The following CHD4 variants were observed in gnomAD, a reference collection of about 807,000 sequenced individuals.
CHD4 encodes ATP-dependent chromatin remodeler CHD4.
CHD4 carries 35 observed loss-of-function variants against 235.5 expected under a neutral mutation model. The observed-to-expected ratio is 0.15, with a 90% CI of 0.11 to 0.20. CHD4 has a LOEUF of 0.20. Ranked by LOEUF, CHD4 falls within the 10% of genes least tolerant of loss-of-function variation. The pLI is 1.00. For missense variants in CHD4, 1,329 were observed against 2,432.3 expected (o/e 0.55, Z 9.54); for synonymous variants, 900 against 850.2 (o/e 1.06, Z -1.02).
intron 3 of CHD4, 49 bp downstream of exon 3, chr12:6,602,327 C>T: frequency 6.2e-7 from 1 of 1,610,104 alleles, no homozygotes; most frequent in Non-Finnish European, 8.5e-7. Flanking sequence ...CTTCTCAGAG[C>T]TCCTCCCTTC....
chr12:6,580,778 G>A (rs1258305949), intron 33 of CHD4: 1 of 342,610 alleles, frequency 2.9e-6, no homozygotes, highest in Non-Finnish European at 5.2e-6. Flanking sequence ...GGAGGCAAAA[G>A]CAGGTGGATC....
At chr12:6,591,624 G>A in intron 21 of CHD4, 41 bp from the exon 22 acceptor site, 1 of 1,613,438 alleles carries the variant, frequency 6.2e-7, no homozygotes, top group Non-Finnish European at 8.5e-7. Context: ...GAGTCAGATG[G>A]TAATCCCTTT....
At position 6,587,722 on chromosome 12, in the gene CHD4, G is replaced by A. The variant is rs1333982455; in HGVS notation, c.3693C>T (p.Ala1231=). ...FGTEELFKDE[A]TDGGGDNKEG... ...TCCTGACTACCTCACCTCCATCAGT[G>A]GCTTCATCCTTGAATAGTTCCTCAG... The change falls in exon 24 of 40, where the codon GCC becomes GCT. Residue 1231 remains alanine (A), a synonymous_variant. Coordinates refer to ENST00000544040, the MANE Select transcript of CHD4 (RefSeq NM_001273.5). 1 of 1,614,014 alleles carries A rather than the reference G, an allele frequency of 6.2e-7. No homozygotes were observed. The highest frequency in any genetic ancestry group is 8.5e-7 in the Non-Finnish European group (1 of 1,179,938).
rs11064256 is a variant in CHD4 at position 6,571,372 on chromosome 12, C to T, written c.5558-340G>A. On this transcript the variant is annotated intron_variant, in intron 38 of 39. Coordinates refer to ENST00000544040, the MANE Select transcript of CHD4 (RefSeq NM_001273.5). ...GCATTCTTTTCCTTATTTCACCCTCCGCCTCCTCATAACCTTTTACTTTAA... is the reference window on the plus strand; with the variant it reads ...GCATTCTTTTCCTTATTTCACCCTCTGCCTCCTCATAACCTTTTACTTTAA... 9.6e-3 allele frequency: 2,423 copies of T among 252,080 alleles called. 48 individuals are homozygous for T. The highest frequency in any genetic ancestry group is 0.04 in the African/African-American group (1,792 of 44,678). 15.6% of individuals were successfully genotyped at this position (252,080 alleles called of 1,614,324 possible). A position where few individuals can be genotyped will look rare whatever the true frequency, so the allele number is the denominator to read the frequency against.
Position 6,599,820 on chromosome 12 carries a change from G to A in CHD4, c.1435C>T (p.Pro479Ser). 1 of 1,614,150 alleles carries A rather than the reference G, an allele frequency of 6.2e-7. No individual in the cohort carries two copies. The highest frequency in any genetic ancestry group is 1.1e-5 in the South Asian group (1 of 91,078). ...SSYHIHCLNP[P>S]LPEIPNGEWL... Reference sequence around the variant, plus strand: ...TCACCGTTGGGGATCTCTGGAAGTGGGGGATTCAGGCAGTGGATGTGGTAG... The same window carrying A: ...TCACCGTTGGGGATCTCTGGAAGTGAGGGATTCAGGCAGTGGATGTGGTAG... The change falls in exon 10 of 40, where the codon CCA becomes TCA. Residue 479 changes from proline to serine, a missense_variant. Transcript: ENST00000544040.
chr12:6,582,695 T>C lies in CHD4; in HGVS notation c.4290A>G (p.Arg1430=). The change falls in exon 29 of 40, where the codon CGA becomes CGG. Residue 1430 remains arginine (R), a synonymous_variant. Coordinates refer to ENST00000544040, the MANE Select transcript of CHD4 (RefSeq NM_001273.5). ...AAGCATCCTGAGGTGGCATACCATA[T>C]CGCATAATTGCATTAAGAAAGGCTT... ...QRKAFLNAIM[R]YGMPPQDAFT... is the part of the protein sequence containing the mutation. 6.2e-7 allele frequency: 1 copy of C among 1,614,124 alleles called. No individual in the cohort carries two copies.
chr12:6,600,440 C>T (rs748916163), intron 8 of CHD4, 45 bp from the exon 9 acceptor site: 2 of 1,609,318 alleles, frequency 1.2e-6, no homozygotes, highest in Non-Finnish European at 1.7e-6. Context: ...AAAAAACTAC[C>T]TCCCCCCACC....
chr12:6,579,181 G>A (rs1948126511), intron 33 of CHD4: 3 of 405,316 alleles, frequency 7.4e-6, no homozygotes, highest in African/African-American at 4.1e-5. Flanking sequence ...TGGGTGCGGT[G>A]GCTCATGCCT....
rs537039826 is a variant in CHD4, at chr12:6,607,344, C to G, written c.-123G>C. The G allele has an allele frequency of 5.9e-5, 9 of 152,136 alleles. No individual in the cohort carries two copies. The highest frequency in any genetic ancestry group is 2.2e-4 in the African/African-American group (9 of 41,466). 9.4% of individuals were successfully genotyped at this position (152,136 alleles called of 1,614,324 possible). ...GCGCTGGGTCCGGCTCGGTGTCACT[C>G]CCGCTCCGGCTCCTCCTCGCCGCGG... On this transcript the variant is annotated 5_prime_UTR_variant, in exon 1 of 40. Transcript: ENST00000544040.
At position 6,586,108 on chromosome 12, in the gene CHD4, A is replaced by T. The variant is rs141016575; in HGVS notation, c.3879+1276T>A. Among the ~76,000 whole-genome samples, 862 of 150,186 alleles carry T rather than the reference A, an allele frequency of 5.7e-3. 7 individuals carry two copies. Among genetic ancestry groups the T allele is most frequent in the African/African-American group, 0.016 (654 of 40,762 alleles). On this transcript the variant is annotated intron_variant, in intron 25 of 39. Coordinates refer to ENST00000544040, the MANE Select transcript of CHD4 (RefSeq NM_001273.5). ...GAGCAAGACTCCGTATCAAAAAAAAAATATATAAGGCCAGGGGCAGTGGCT... is the reference window on the plus strand; with the variant it reads ...GAGCAAGACTCCGTATCAAAAAAAATATATATAAGGCCAGGGGCAGTGGCT...
intron 14 of CHD4, 45 bp from the exon 15 acceptor site, chr12:6,594,695 C>T: frequency 6.4e-7 from 1 of 1,557,752 alleles, no homozygotes; most frequent in Non-Finnish European, 8.8e-7. Flanking sequence ...AGGAACTCCC[C>T]TCCTCCCCTA....
Position 6,582,924 on chromosome 12 carries a change from G to T in CHD4, c.4160C>A (p.Pro1387His). Residue 1387 changes from proline to histidine, a missense_variant, in exon 28 of 40, where the codon CCC becomes CAC. Pro to His is a moderately conservative substitution (Grantham distance 77). Around this residue, in one of 26 missense-constraint regions of CHD4, gnomAD observed 46 missense variants for 85.6 expected, o/e 0.54. Transcript: ENST00000544040. ...FDERSEAPRR[P>H]SRKGLRNDKD... ...ATCATTCCGCAGGCCCTTACGACTG[G>T]GCCTACGGGGAGCTGCAAGAAGAAA... 6.2e-7 allele frequency: 1 copy of T among 1,613,674 alleles called. No homozygotes were observed. Among genetic ancestry groups the T allele is most frequent in the Non-Finnish European group, 8.5e-7 (1 of 1,179,902 alleles).
chr12:6,573,052 A>T lies in CHD4; in HGVS notation c.5557+22T>A, dbSNP rs763677195. On this transcript the variant is annotated intron_variant, in intron 38 of 39. Transcript: ENST00000544040. ...AGATCAGGGAGGCCGAATCGGCAGG[A>T]GGCAGGGGAGCCACTGGCTACCTTT... 3 of 1,588,156 alleles carry T rather than the reference A, an allele frequency of 1.9e-6. No individual in the cohort carries two copies. In the Admixed American group the frequency reaches 5.5e-5, roughly 29 times the overall value.
chr12:6,582,442 G>A (rs979163590), intron 29 of CHD4, among the ~76,000 whole-genome samples, 161 bp from the exon 30 acceptor site: 1 of 152,052 alleles, frequency 6.6e-6, no homozygotes, highest in Non-Finnish European at 1.5e-5. Context: ...CCCACAAGAA[G>A]ACCCAGGTTC....
intron 30 of CHD4, 76 bp from the exon 31 acceptor site, chr12:6,581,890 C>T: frequency 6.8e-7 from 1 of 1,463,856 alleles, no homozygotes; most frequent in Middle Eastern, 2.4e-4. Context: ...CCAGTCTCCG[C>T]CTCCCGGGTT....
At position 6,602,164 on chromosome 12, in the gene CHD4, T is replaced by C; in HGVS notation, c.234A>G (p.Leu78=). ...SKRQKKERML[L]CRQLGDSSGE... ...CAGAGCTGTCCCCCAGCTGCCGGCA[T>C]AAGAGCATACGCTGGAGCAGGGCAA... The change falls in exon 4 of 40, where the codon TTA becomes TTG. Residue 78 remains leucine (L), a synonymous_variant. Coordinates refer to ENST00000544040, the MANE Select transcript of CHD4 (RefSeq NM_001273.5). 1 of 1,613,662 alleles carries C rather than the reference T, an allele frequency of 6.2e-7. No individual in the cohort carries two copies. The highest frequency in any genetic ancestry group is 8.5e-7 in the Non-Finnish European group (1 of 1,179,780).
Position 6,596,148 on chromosome 12 carries a change from A to C in CHD4, c.1893-11T>G, listed in dbSNP as rs776684201. On this transcript the variant is annotated splice_polypyrimidine_tract_variant and intron_variant, in intron 12 of 39. Transcript: ENST00000544040. Reference sequence around the variant, plus strand: ...CCCTTCTTGTCCACACTGCAAGTCCAGGAGAGAAAACCCTCAGAGCCAGAA... The same window carrying C: ...CCCTTCTTGTCCACACTGCAAGTCCCGGAGAGAAAACCCTCAGAGCCAGAA... 1.2e-6 allele frequency: 2 copies of C among 1,610,804 alleles called. No individual in the cohort carries two copies.
At chr12:6,599,041 T>TA (rs1009102121) in intron 10 of CHD4, among the ~76,000 whole-genome samples, 34 of 152,336 alleles carry the variant, frequency 2.2e-4, no homozygotes, top group African/African-American at 7.7e-4. Context: ...AGCCAGTAGT[T>TA]AGACTTTAAC....
rs1485285702 is a variant in CHD4 at position 6,588,149 on chromosome 12, T to A, written c.3465+149A>T. ...AAAATAGGATCACAGCTAACCAAACTCTGGCTTACAATAAGGTAAACAACA... is the reference window on the plus strand; with the variant it reads ...AAAATAGGATCACAGCTAACCAAACACTGGCTTACAATAAGGTAAACAACA... On this transcript the variant is annotated intron_variant, in intron 23 of 39. Coordinates refer to ENST00000544040, the MANE Select transcript of CHD4 (RefSeq NM_001273.5). 4.1e-6 allele frequency: 5 copies of A among 1,227,940 alleles called. No homozygotes were observed. The Admixed American group carries it at 1.2e-4, about 29-fold the overall frequency. The allele number at this position is 1,227,940 out of a possible 1,614,324, so 76.1% of individuals were successfully genotyped here.
Sources: gnomAD v4.1 joint callset for allele counts (sites outside exome capture counted in the v4.1 genomes callset) on GRCh38, gnomAD v4.1.1 for gene constraint, gnomAD v4.1.1 regional missense constraint, MANE v1.5 for transcripts, NCBI Gene and HGNC (gene_info 2026-07-23, HGNC 2026-07-21) for gene names.